The following LGSN variants were observed in gnomAD, a reference collection of about 807,000 sequenced individuals.
LGSN encodes lengsin, lens protein with glutamine synthetase domain.
In LGSN, 21 loss-of-function variants were observed where a neutral mutation model predicts 19.5. The observed-to-expected ratio is 1.07, with a 90% CI of 0.76 to 1.55. The LOEUF is 1.55. Ranked by LOEUF, LGSN falls within the 40% of genes most tolerant of loss-of-function variation. The pLI is 0.00. For missense variants in LGSN, 673 were observed against 608.5 expected, an observed-to-expected ratio of 1.11 and a Z score of -1.12; for synonymous variants, 257 against 215.6, an observed-to-expected ratio of 1.19 and a Z score of -1.68.
At chr6:63,437,192 G>C in the LGSN span, among the ~76,000 whole-genome samples, 2 of 139,934 alleles carry the variant, frequency 1.4e-5, no homozygotes, top group South Asian at 5.1e-4. Flanking sequence ...AGGAGGGAGG[G>C]AGGGAGACAG....
At chr6:63,439,121 G>A in the LGSN span, among the ~76,000 whole-genome samples, 28 of 151,948 alleles carry the variant, frequency 1.8e-4, no homozygotes, top group Middle Eastern at 3.4e-3. Flanking sequence ...ACCAAACACC[G>A]CATATTCTCA....
chr6:63,279,946 G>T lies in LGSN; in HGVS notation c.*75C>A. On this transcript the variant is annotated 3_prime_UTR_variant, in exon 4 of 4. Transcript: ENST00000370657. Reference sequence around the variant, plus strand: ...ATTGTTGCTGTTGTTAATTACAAAAGTTCAGTCTTTTTGTTTTGGTAGATT... The same window carrying T: ...ATTGTTGCTGTTGTTAATTACAAAATTTCAGTCTTTTTGTTTTGGTAGATT... 1.5e-6 allele frequency: 2 copies of T among 1,348,772 alleles called. No homozygotes were observed. Among genetic ancestry groups the T allele is most frequent in the South Asian group, 1.5e-5 (1 of 67,712 alleles). The allele number at this position is 1,348,772 out of a possible 1,614,324, so 83.6% of individuals were successfully genotyped here.
Position 63,287,717 on chromosome 6 carries a change from A to T in LGSN, c.164-1964T>A, listed in dbSNP as rs1455522758. On this transcript the variant is annotated intron_variant, in intron 2 of 3. Coordinates refer to ENST00000370657, the MANE Select transcript of LGSN (RefSeq NM_016571.3). ...AGAGGGACTGTCTTAACCAATAATA[A>T]TAATAATATGGAAATTTTTAGATAA... is the stretch of plus-strand genomic sequence containing the variant. Among the ~76,000 whole-genome samples the T allele has an allele frequency of 4.6e-5, 7 of 152,180 alleles. No homozygotes were observed. In the South Asian group the frequency reaches 1.5e-3, roughly 32 times the overall value.
chr6:63,412,915 GAAGA>G, the LGSN span, among the ~76,000 whole-genome samples: 7 of 147,010 alleles, frequency 4.8e-5, no homozygotes, highest in South Asian at 2.2e-4. Flanking sequence ...AGAAAGGAAG[GAAGA>G]AAGGAAGGAA....
At chr6:63,501,396 G>T in the LGSN span, among the ~76,000 whole-genome samples, 4 of 151,118 alleles carry the variant, frequency 2.6e-5, no homozygotes, top group Non-Finnish European at 4.4e-5. Flanking sequence ...AGAAGCCATT[G>T]TCACTACCCC....
the LGSN span, among the ~76,000 whole-genome samples, chr6:63,546,479 G>T: frequency 1.3e-5 from 2 of 152,212 alleles, no homozygotes; most frequent in Admixed American, 6.5e-5. Context: ...GCCAAGGCAG[G>T]TGGATCACTT....
the LGSN span, among the ~76,000 whole-genome samples, chr6:63,325,516 T>C: frequency 3.9e-5 from 6 of 152,108 alleles, no homozygotes; most frequent in Non-Finnish European, 8.8e-5. Context: ...CCTAGAAACA[T>C]AGAACCTACC....
chr6:63,425,639 G>A, the LGSN span, among the ~76,000 whole-genome samples: 39 of 152,076 alleles, frequency 2.6e-4, no homozygotes, highest in African/African-American at 9.2e-4. Flanking sequence ...AGGGAAGTAG[G>A]TATACATAAA....
chr6:63,477,562 G>T, the LGSN span, among the ~76,000 whole-genome samples: 1 of 151,566 alleles, frequency 6.6e-6, no homozygotes, highest in Non-Finnish European at 1.5e-5. Flanking sequence ...AATATGCCAT[G>T]GGGGTCTCGT....
At chr6:63,337,836 G>A in the LGSN span, among the ~76,000 whole-genome samples, 2 of 151,574 alleles carry the variant, frequency 1.3e-5, no homozygotes, top group Non-Finnish European at 2.9e-5. Flanking sequence ...CAACATAAGA[G>A]AAAGTTTGGT....
the LGSN span, among the ~76,000 whole-genome samples, chr6:63,474,784 G>A: frequency 4.7e-4 from 70 of 149,440 alleles, no homozygotes; most frequent in African/African-American, 1.5e-3. Context: ...TTAGCTGGGC[G>A]TGGTGGCAGA....
chr6:63,418,099 G>A, the LGSN span, among the ~76,000 whole-genome samples: 39 of 152,054 alleles, frequency 2.6e-4, no homozygotes, highest in Non-Finnish European at 4.6e-4. Flanking sequence ...AGTGAGATAA[G>A]GCTAATTGCC....
the LGSN span, among the ~76,000 whole-genome samples, chr6:63,416,819 C>T: frequency 6.6e-6 from 1 of 151,940 alleles, no homozygotes; most frequent in Non-Finnish European, 1.5e-5. Context: ...CTGCCCACCT[C>T]GGCCTCCCAA....
chr6:63,480,964 T>G, the LGSN span, among the ~76,000 whole-genome samples: 868 of 37,776 alleles, frequency 0.023, 50 homozygotes, highest in African/African-American at 0.044. Context: ...TATATATATA[T>G]ATATATATAT....
chr6:63,343,441 T>C, the LGSN span, among the ~76,000 whole-genome samples: 2 of 152,212 alleles, frequency 1.3e-5, no homozygotes, highest in South Asian at 4.1e-4. Context: ...CAGCTCACAA[T>C]TTTTCAACTT....
chr6:63,432,387 G>A, the LGSN span, among the ~76,000 whole-genome samples: 11 of 152,086 alleles, frequency 7.2e-5, no homozygotes, highest in South Asian at 8.3e-4. Flanking sequence ...CTATGTGTCA[G>A]GTGTCAGAAA....
the LGSN span, among the ~76,000 whole-genome samples, chr6:63,464,671 G>A: frequency 0.068 from 10,309 of 151,660 alleles, 1,079 homozygotes; most frequent in African/African-American, 0.22. Context: ...GTATGCACAC[G>A]ATCATCACTA....
At chr6:63,522,612 G>A in the LGSN span, among the ~76,000 whole-genome samples, 1 of 152,166 alleles carries the variant, frequency 6.6e-6, no homozygotes. Flanking sequence ...TTAGTTAAAA[G>A]AACACAATAG....
At chr6:63,434,239 G>A in the LGSN span, among the ~76,000 whole-genome samples, 444 of 152,106 alleles carry the variant, frequency 2.9e-3, 7 homozygotes, top group South Asian at 0.031. Flanking sequence ...AGGAGTCCGA[G>A]CCCAGCCTGG....
Sources: gnomAD v4.1 joint callset for allele counts (sites outside exome capture counted in the v4.1 genomes callset) on GRCh38, gnomAD v4.1.1 for gene constraint, MANE v1.5 for transcripts, NCBI Gene and HGNC (gene_info 2026-07-23, HGNC 2026-07-21) for gene names.